Variants in LGR5 observed in about 807,000 individuals in gnomAD.
LGR5 encodes the protein leucine rich repeat containing G protein-coupled receptor 5.
A neutral mutation model predicts 76.7 loss-of-function variants in LGR5; 54 were observed. That is an observed-to-expected ratio of 0.70 (90% CI 0.57 to 0.88). LGR5 has a LOEUF of 0.88. Among genes scored for constraint, LGR5 ranks in the 40% least tolerant of loss-of-function variants. LGR5 has a pLI of 0.00. For synonymous variants in LGR5, 406 were observed against 421.9 expected, an observed-to-expected ratio of 0.96 and a Z score of 0.46; for missense variants, 1,078 against 1,073.3, an observed-to-expected ratio of 1.00 and a Z score of -0.06.
intron 1 of LGR5, among the ~76,000 whole-genome samples, chr12:71,453,012 A>G (rs1363648504): frequency 2.0e-5 from 3 of 152,176 alleles, no homozygotes; most frequent in East Asian, 1.9e-4. Context: ...GTTATTCCCT[A>G]AATTAGCTAA....
chr12:71,448,369 A>C (rs1159023313), intron 1 of LGR5: 1 of 152,224 alleles, frequency 6.6e-6, no homozygotes, highest in Non-Finnish European at 1.5e-5. Context: ...AAGTGGAAAA[A>C]ATATAAAGAA....
At chr12:71,478,283 A>G (rs375804205) in intron 1 of LGR5, among the ~76,000 whole-genome samples, 1 of 152,224 alleles carries the variant, frequency 6.6e-6, no homozygotes, top group Non-Finnish European at 1.5e-5. Context: ...TTGTCAGCAT[A>G]TAAATGAATG....
chr12:71,505,019 C>T (rs994520671), intron 2 of LGR5, among the ~76,000 whole-genome samples: 1 of 152,180 alleles, frequency 6.6e-6, no homozygotes. Context: ...AGTTTGAATA[C>T]TGGTTCATGT....
intron 1 of LGR5, among the ~76,000 whole-genome samples, chr12:71,446,348 C>T (rs2137198022): frequency 6.6e-6 from 1 of 152,250 alleles, no homozygotes; most frequent in South Asian, 2.1e-4. Context: ...GTATAAATTA[C>T]TTTATTATTG....
chr12:71,548,887 T>C (rs1408048173), intron 4 of LGR5, among the ~76,000 whole-genome samples: 1 of 151,804 alleles, frequency 6.6e-6, no homozygotes, highest in Admixed American at 6.6e-5. Context: ...AACAAAGACA[T>C]ACTTAAAAGC....
rs375778560 is a variant in LGR5, at chr12:71,546,570, C to T, written c.429-6503C>T. Among the ~76,000 whole-genome samples the T allele has an allele frequency of 9.2e-5, 14 of 152,150 alleles. No individual in the cohort carries two copies. In the South Asian group the frequency reaches 2.1e-3, roughly 23 times the overall value. On this transcript the variant is annotated intron_variant, in intron 4 of 17. Coordinates refer to ENST00000266674, the MANE Select transcript of LGR5 (RefSeq NM_003667.4). The stretch of plus-strand genomic sequence containing the variant: ...GGGAGTCACCAAGTTCTGCCAGGCC[C>T]ACATATTTAACATCTCTCATAGTAG...
chr12:71,481,835 G>T (rs1210701555), intron 1 of LGR5, among the ~76,000 whole-genome samples: 1 of 151,866 alleles, frequency 6.6e-6, no homozygotes, highest in South Asian at 2.1e-4. Context: ...TTGCCTGGGG[G>T]GTATTTTCTG....
chr12:71,555,590 A>G (rs545948816), intron 5 of LGR5, among the ~76,000 whole-genome samples: 1 of 152,340 alleles, frequency 6.6e-6, no homozygotes, highest in South Asian at 2.1e-4. Context: ...GAAGGTAGCC[A>G]TTATAGGCCT....
intron 1 of LGR5, among the ~76,000 whole-genome samples, chr12:71,490,296 G>A (rs533223489): frequency 1.3e-5 from 2 of 152,076 alleles, no homozygotes; most frequent in Non-Finnish European, 2.9e-5. Flanking sequence ...ATTCTGTTTC[G>A]TATCTCCTTT....
At chr12:71,442,007 G>A (rs955308976) in intron 1 of LGR5, 1 of 152,196 alleles carries the variant, frequency 6.6e-6, no homozygotes, top group African/African-American at 2.4e-5. Flanking sequence ...AATTTTGCTT[G>A]GCAGCCTATA....
chr12:71,487,565 C>A (rs756583900), intron 1 of LGR5, among the ~76,000 whole-genome samples: 1 of 152,144 alleles, frequency 6.6e-6, no homozygotes, highest in Non-Finnish European at 1.5e-5. Context: ...TAGGCCCATG[C>A]CACCACACCC....
chr12:71,461,443 C>T (rs986814321), intron 1 of LGR5, among the ~76,000 whole-genome samples: 3 of 152,112 alleles, frequency 2.0e-5, no homozygotes, highest in Non-Finnish European at 2.9e-5. Flanking sequence ...AAAGGGATTT[C>T]CATTTGAAGA....
chr12:71,493,374 T>C (rs546097655), intron 1 of LGR5, among the ~76,000 whole-genome samples: 1 of 151,456 alleles, frequency 6.6e-6, no homozygotes, highest in Admixed American at 6.5e-5. Context: ...GGTCATAGAC[T>C]CCTATGAGGA....
intron 2 of LGR5, among the ~76,000 whole-genome samples, chr12:71,509,570 A>C (rs980532714): frequency 3.9e-5 from 6 of 152,210 alleles, no homozygotes; most frequent in Non-Finnish European, 7.3e-5. Flanking sequence ...TAGACAAATA[A>C]AAGATCCTAC....
At chr12:71,494,381 T>C (rs1874220921) in intron 1 of LGR5, among the ~76,000 whole-genome samples, 1 of 150,968 alleles carries the variant, frequency 6.6e-6, no homozygotes, top group Non-Finnish European at 1.5e-5. Flanking sequence ...CCACTGCGCC[T>C]GGCTTGAGTA....
At chr12:71,480,746 A>C (rs1327840738) in intron 1 of LGR5, among the ~76,000 whole-genome samples, 1 of 152,188 alleles carries the variant, frequency 6.6e-6, no homozygotes, top group African/African-American at 2.4e-5. Flanking sequence ...TTCAACCAAC[A>C]GCTGATGAGA....
intron 4 of LGR5, among the ~76,000 whole-genome samples, chr12:71,539,130 C>T (rs753416975): frequency 4.6e-5 from 7 of 152,068 alleles, no homozygotes; most frequent in Non-Finnish European, 8.8e-5. Context: ...TCAGCTCTGT[C>T]TTACTTAAAA....
At chr12:71,526,392 T>C (rs1876003021) in intron 3 of LGR5, among the ~76,000 whole-genome samples, 1 of 152,004 alleles carries the variant, frequency 6.6e-6, no homozygotes, top group Non-Finnish European at 1.5e-5. Context: ...ATGAGAAGCA[T>C]AGATTATTTC....
At chr12:71,500,869 G>A (rs1247866228) in intron 1 of LGR5, among the ~76,000 whole-genome samples, 1 of 152,150 alleles carries the variant, frequency 6.6e-6, no homozygotes, top group Admixed American at 6.5e-5. Context: ...CAGTAATATA[G>A]CATAGATAAG....
Sources: allele counts gnomAD v4.1 joint callset (sites outside exome capture counted in the v4.1 genomes callset), GRCh38; gene constraint gnomAD v4.1.1; transcripts MANE v1.5; gene names NCBI Gene and HGNC (gene_info 2026-07-23, HGNC 2026-07-21).